The following KRT36 variants were observed in gnomAD, a reference collection of about 807,000 sequenced individuals.
KRT36 encodes keratin 36.
In KRT36, 41 loss-of-function variants were observed where a neutral mutation model predicts 43.0. The ratio of observed to expected loss-of-function variants is 0.95; its 90% CI spans 0.74 to 1.24. KRT36 has a LOEUF of 1.24. Among genes scored for constraint, KRT36 ranks in the 50% most tolerant of loss-of-function variants. The pLI is 0.00. For missense variants in KRT36, 627 were observed against 595.3 expected, an observed-to-expected ratio of 1.05 and a Z score of -0.55; for synonymous variants, 277 against 252.9, an observed-to-expected ratio of 1.10 and a Z score of -0.90.
intron 6 of KRT36, 35 bp from the exon 7 acceptor site, chr17:41,486,606 A>T: frequency 6.8e-7 from 1 of 1,469,478 alleles, no homozygotes; most frequent in Non-Finnish European, 9.1e-7. Flanking sequence ...TGCATTTGGC[A>T]TCGGAGCACT....
chr17:41,487,684 G>A lies in KRT36; in HGVS notation c.753C>T (p.Asp251=), dbSNP rs144617001. The part of the protein sequence containing the change: ...QLGDRLNVEV[D]AAPPVDLNKI... Reference sequence around the variant, plus strand: ...TGTTGAGATCCACTGGGGGAGCAGCGTCCACCTCCACATTCAGTCGGTCCC... The same window carrying A: ...TGTTGAGATCCACTGGGGGAGCAGCATCCACCTCCACATTCAGTCGGTCCC... The change falls in exon 4 of 7, where the codon GAC becomes GAT. Residue 251 remains aspartate, a synonymous_variant. Transcript: ENST00000328119. 19 of 1,614,084 alleles carry A rather than the reference G, an allele frequency of 1.2e-5. No individual in the cohort carries two copies. The highest frequency in any genetic ancestry group is 7.7e-5 in the South Asian group (7 of 91,084).
Position 41,487,031 on chromosome 17 carries a change from T to C in KRT36, c.1127A>G (p.Tyr376Cys). 6.2e-7 allele frequency: 1 copy of C among 1,614,148 alleles called. No individual in the cohort carries two copies. The highest frequency in any genetic ancestry group is 1.1e-5 in the South Asian group (1 of 91,090). Residue 376 changes from tyrosine (Y) to cysteine (C), a missense_variant, in exon 6 of 7, where the codon TAC becomes TGC. Tyr to Cys is a radical substitution (Grantham distance 194). Coordinates refer to ENST00000328119, the MANE Select transcript of KRT36 (RefSeq NM_003771.5). ...GGCCTTGACGTCCAGTAACACCTGG[T>C]ACTCCTGGTTCTGCCGCTCCAGGTC... ...RCDLERQNQE[Y>C]QVLLDVKARL...
In KRT36 at chr17:41,488,244, T is replaced by G. The variant is rs1904459547; in HGVS notation, c.698A>C (p.Glu233Ala). The G allele has an allele frequency of 1.2e-6, 2 of 1,613,270 alleles. No individual in the cohort carries two copies. The highest frequency in any genetic ancestry group is 1.7e-4 in the Middle Eastern group (1 of 6,042). ...GAAGTCACATGGCACCAGCCTCACCTCCTCGTGATTCTTCTTGAGGCACAT... is the reference window on the plus strand; with the variant it reads ...GAAGTCACATGGCACCAGCCTCACCGCCTCGTGATTCTTCTTGAGGCACAT... ...ELMCLKKNHE[E>A]EVSVLRCQLG... Residue 233 changes from glutamate (E) to alanine (A), a missense_variant and splice_region_variant, in exon 3 of 7, where the codon GAG (glutamate) becomes GCG (alanine). Transcript: ENST00000328119.
At position 41,486,531 on chromosome 17, in the gene KRT36, T is replaced by TA. The variant is rs1904387411; in HGVS notation, c.1248dup (p.Ile417TyrfsTer2). 1.9e-6 allele frequency: 3 copies of TA among 1,602,672 alleles called. No individual in the cohort carries two copies. Among genetic ancestry groups the TA allele is most frequent in the Middle Eastern group, 1.7e-4 (1 of 5,980 alleles). ...ACCGGGGGGACAGAAGGAACTCTAA[T>TA]AACAGGCTTGCATGCCGTGGCACAA... On this transcript the variant is annotated frameshift_variant, in exon 7 of 7. Coordinates refer to ENST00000328119, the MANE Select transcript of KRT36 (RefSeq NM_003771.5). LOFTEE classifies it low-confidence loss of function (END_TRUNC).
In KRT36 at chr17:41,489,588, C is replaced by G. The variant is rs1030490565; in HGVS notation, c.277G>C (p.Glu93Gln). Residue 93 changes from glutamate (E) to glutamine (Q), a missense_variant, in exon 1 of 7, where the codon GAG (glutamate) becomes CAG (glutamine). Coordinates refer to ENST00000328119, the MANE Select transcript of KRT36 (RefSeq NM_003771.5). ...TTCAGGAACTGCATAGTCTCCTTCT[C>G]GCTGCCGTTGAAGGAGCCCTCGCAG... ...WFCEGSFNGS[E>Q]KETMQFLNDR... 1 of 1,614,172 alleles carries G rather than the reference C, an allele frequency of 6.2e-7. No individual in the cohort carries two copies. The highest frequency in any genetic ancestry group is 1.1e-5 in the South Asian group (1 of 91,078).
intron 3 of KRT36, 127 bp from the exon 4 acceptor site, chr17:41,487,864 A>C: frequency 1.1e-6 from 1 of 905,252 alleles, no homozygotes; most frequent in Non-Finnish European, 1.7e-6. Context: ...ATACTTAAAT[A>C]TCTCTGAGCC....
At chr17:41,487,761 A>G in intron 3 of KRT36, 24 bp from the exon 4 acceptor site, 1 of 1,584,988 alleles carries the variant, frequency 6.3e-7, no homozygotes, top group African/African-American at 1.3e-5. Context: ...GCAAGACGGC[A>G]TGAGGTTGTG....
At chr17:41,488,769 T>C in intron 1 of KRT36, 45 bp from the exon 2 acceptor site, 2 of 1,523,608 alleles carry the variant, frequency 1.3e-6, no homozygotes, top group Non-Finnish European at 1.8e-6. Context: ...GGCCCAGCAG[T>C]GTGGGGGCAG....
Position 41,486,558 on chromosome 17 carries a change from G to T in KRT36, c.1222C>A (p.Pro408Thr), listed in dbSNP as rs748296059. The T allele has an allele frequency of 5.3e-5, 83 of 1,577,662 alleles. No individual in the cohort carries two copies. Among genetic ancestry groups the T allele is most frequent in the Non-Finnish European group, 6.5e-5 (76 of 1,163,172 alleles). Reference protein sequence around the residue: ...EGEDCKLPPQPCATACKPVIR... With the variant: ...EGEDCKLPPQTCATACKPVIR... ...ACAGGCTTGCATGCCGTGGCACAAG[G>T]TTGGGGAGGAAGCCTGAGGAAACAA... The change falls in exon 7 of 7, where the codon CCT becomes ACT. Residue 408 changes from proline to threonine, a missense_variant. Transcript: ENST00000328119.
chr17:41,486,421 C>G lies in KRT36; in HGVS notation c.1359G>C (p.Gly453=), dbSNP rs375069450. The stretch of plus-strand genomic sequence containing the variant: ...CGTGCTCCCTGGAGGAGATGACTTT[C>G]CCATCTCTGATCTCCTCGGTGATGG... ...IRTITEEIRD[G]KVISSREHVQ... Residue 453 remains glycine, a synonymous_variant, in exon 7 of 7, where the codon GGG becomes GGC. Coordinates refer to ENST00000328119, the MANE Select transcript of KRT36 (RefSeq NM_003771.5). The G allele has an allele frequency of 3.7e-6, 6 of 1,613,974 alleles. No individual in the cohort carries two copies. The African/African-American group carries it at 8.0e-5, about 22-fold the overall frequency.
intron 5 of KRT36, 29 bp from the exon 6 acceptor site, chr17:41,487,199 A>G (rs1350665609): frequency 1.9e-6 from 3 of 1,599,782 alleles, no homozygotes; most frequent in Admixed American, 1.7e-5. Context: ...AGAGCTGCCT[A>G]TTGGGGAGGA....
chr17:41,486,220 G>T lies in KRT36; in HGVS notation c.*156C>A. On this transcript the variant is annotated 3_prime_UTR_variant, in exon 7 of 7. Coordinates refer to ENST00000328119, the MANE Select transcript of KRT36 (RefSeq NM_003771.5). ...TTGCATGGCGTAAAAGCACAGTTAA[G>T]TCCGGAAACACAATACGGGGAGTGT... 1 of 606,702 alleles carries T rather than the reference G, an allele frequency of 1.6e-6. No homozygotes were observed. The highest frequency in any genetic ancestry group is 2.8e-6 in the Non-Finnish European group (1 of 351,014). 37.6% of individuals were successfully genotyped at this position (606,702 alleles called of 1,614,324 possible). A position where few individuals can be genotyped will look rare whatever the true frequency, so the allele number is the denominator to read the frequency against.
At position 41,489,771 on chromosome 17, in the gene KRT36, G is replaced by A. The variant is rs529507843; in HGVS notation, c.94C>T (p.Arg32Cys). The A allele has an allele frequency of 3.9e-5, 63 of 1,613,890 alleles. No homozygotes were observed. The Middle Eastern group carries it at 4.9e-4, about 13-fold the overall frequency. ...AGGISRVSSIRSVGSCRVPSL... is the reference protein window; with the variant it reads ...AGGISRVSSICSVGSCRVPSL... Reference sequence around the variant, plus strand: ...GGGACCCTGCAGGAGCCCACAGAACGGATGGAGGACACCCGAGAGATGCCG... The same window carrying A: ...GGGACCCTGCAGGAGCCCACAGAACAGATGGAGGACACCCGAGAGATGCCG... The change falls in exon 1 of 7, where the codon CGT becomes TGT. Residue 32 changes from arginine (R) to cysteine (C), a missense_variant. Arg to Cys is a radical substitution (Grantham distance 180). Transcript: ENST00000328119.
At chr17:41,486,610 G>T in intron 6 of KRT36, 39 bp from the exon 7 acceptor site, 1 of 1,455,494 alleles carries the variant, frequency 6.9e-7, no homozygotes, top group African/African-American at 1.4e-5. Flanking sequence ...TTTGGCATCG[G>T]AGCACTGGGC....
Position 41,487,414 on chromosome 17 carries a change from C to A in KRT36, c.924G>T (p.Glu308Asp). The A allele has an allele frequency of 5.0e-6, 8 of 1,613,994 alleles. No homozygotes were observed. Among genetic ancestry groups the A allele is most frequent in the Non-Finnish European group, 6.8e-6 (8 of 1,179,906 alleles). ...TGACCGTACGTCTCAGCTCGATGAT[C>A]TCCGTCTGGCAGCACTGCAGCTGCT... is the stretch of plus-strand genomic sequence containing the variant. ...SSEQLQCCQT[E>D]IIELRRTVNA... The change falls in exon 5 of 7, where the codon GAG becomes GAT. Residue 308 changes from glutamate (E) to aspartate (D), a missense_variant. Physicochemically the swap from Glu to Asp is conservative, Grantham distance 45. Coordinates refer to ENST00000328119, the MANE Select transcript of KRT36 (RefSeq NM_003771.5).
At chr17:41,487,284 C>T in intron 5 of KRT36, 67 bp downstream of exon 5, 4 of 1,581,948 alleles carry the variant, frequency 2.5e-6, no homozygotes, top group Non-Finnish European at 3.4e-6. Flanking sequence ...AGAGCCTGCA[C>T]GCTGAGGCTG....
chr17:41,489,713 G>A lies in KRT36; in HGVS notation c.152C>T (p.Ser51Phe). 1 of 1,614,184 alleles carries A rather than the reference G, an allele frequency of 6.2e-7. No homozygotes were observed. The highest frequency in any genetic ancestry group is 8.5e-7 in the Non-Finnish European group (1 of 1,180,034). ...SLAGAAGYIS[S>F]ARSGLSGLGS... ...AAGGCCAGAGAGGCCCGACCTAGCA[G>A]AAGAGATGTACCCTGCAGCACCGGC... The change falls in exon 1 of 7, where the codon TCT becomes TTT. Residue 51 changes from serine (S) to phenylalanine (F), a missense_variant. Ser to Phe is a radical substitution (Grantham distance 155, BLOSUM62 -2). Transcript: ENST00000328119.
chr17:41,487,284 C>A lies in KRT36; in HGVS notation c.987+67G>T, dbSNP rs61523108. The A allele has an allele frequency of 4.0e-3, 6,318 of 1,581,952 alleles. 212 individuals are homozygous for A. In the African/African-American group the frequency reaches 0.076, roughly 19 times the overall value. ...TGATCACACCCCATGAGAGCCTGCACGCTGAGGCTGGTGCGTCGGGGACCT... is the reference window on the plus strand; with the variant it reads ...TGATCACACCCCATGAGAGCCTGCAAGCTGAGGCTGGTGCGTCGGGGACCT... On this transcript the variant is annotated intron_variant, in intron 5 of 6. Transcript: ENST00000328119.
chr17:41,487,850 C>T (rs921654304), intron 3 of KRT36, 113 bp from the exon 4 acceptor site: 6 of 1,024,810 alleles, frequency 5.9e-6, no homozygotes, highest in African/African-American at 4.8e-5. Flanking sequence ...TAGCATTAGA[C>T]AGGATACTTA....
Sources: gnomAD v4.1 joint callset for allele counts on GRCh38, gnomAD v4.1.1 for gene constraint, MANE v1.5 for transcripts, NCBI Gene and HGNC (gene_info 2026-07-23, HGNC 2026-07-21) for gene names.